Variants in SPIDR observed in about 807,000 individuals in gnomAD.
SPIDR encodes the protein DNA repair-scaffolding protein.
A neutral mutation model predicts 104.6 loss-of-function variants in SPIDR; 93 were observed. The observed-to-expected ratio is 0.89, with a 90% CI of 0.75 to 1.06. SPIDR has a LOEUF of 1.06. Among genes scored for constraint, SPIDR ranks in the 50% least tolerant of loss-of-function variants. SPIDR has a pLI of 0.00. For missense variants in SPIDR, 1,154 were observed against 1,111.2 expected (o/e 1.04, Z -0.55); for synonymous variants, 431 against 416.9 (o/e 1.03, Z -0.41).
chr8:47,735,364 C>T lies in SPIDR; in HGVS notation c.2662C>T (p.Gln888Ter). ...AGTGGGGTTGTTAAATTGTTTTGTC[C>T]AGTCCGTAACCGCCCACCCGACCAG... is the stretch of plus-strand genomic sequence containing the variant. ...KEVGLLNCFV[Q>*]SVTAHPTSCI... The change falls in exon 20 of 20, where the codon CAG becomes TAG. Residue 888 changes from glutamine (Q) to a stop codon, truncating the protein, a stop_gained. Coordinates refer to ENST00000297423, the MANE Select transcript of SPIDR (RefSeq NM_001080394.4). LOFTEE classifies it low-confidence loss of function (END_TRUNC). 3 of 1,614,136 alleles carry T rather than the reference C, an allele frequency of 1.9e-6. No homozygotes were observed. The highest frequency in any genetic ancestry group is 2.2e-5 in the East Asian group (1 of 44,882).
intron 8 of SPIDR, chr8:47,548,052 A>ATTT (rs926440198): frequency 4.6e-5 from 7 of 151,220 alleles, no homozygotes; most frequent in African/African-American, 1.7e-4. Flanking sequence ...AGTTTAATGT[A>ATTT]TTTTTTTTTA....
intron 7 of SPIDR, among the ~76,000 whole-genome samples, chr8:47,436,719 C>T (rs1266653851): frequency 6.6e-6 from 1 of 152,238 alleles, no homozygotes; most frequent in African/African-American, 2.4e-5. Flanking sequence ...GAGCAAGACC[C>T]TGTCTCTAAA....
chr8:47,657,813 TGA>T (rs2073132181), intron 10 of SPIDR, among the ~76,000 whole-genome samples: 1 of 151,982 alleles, frequency 6.6e-6, no homozygotes, highest in African/African-American at 2.4e-5. Context: ...GAAGATCCCT[TGA>T]GCCCATGAGT....
intron 8 of SPIDR, among the ~76,000 whole-genome samples, chr8:47,468,020 C>G (rs1261700438): frequency 6.6e-6 from 1 of 152,118 alleles, no homozygotes; most frequent in East Asian, 1.9e-4. Context: ...TCTCAGGATG[C>G]AAAATCAGTG....
chr8:47,580,887 C>T (rs1186938923), intron 8 of SPIDR, among the ~76,000 whole-genome samples: 1 of 152,166 alleles, frequency 6.6e-6, no homozygotes, highest in Non-Finnish European at 1.5e-5. Context: ...AAAAAAGAAA[C>T]AGCTGTTGTA....
chr8:47,276,380 T>G (rs1257342897), intron 1 of SPIDR, among the ~76,000 whole-genome samples: 1 of 152,224 alleles, frequency 6.6e-6, no homozygotes, highest in Non-Finnish European at 1.5e-5. Flanking sequence ...CTGAGTTTTG[T>G]ATGTACTTTT....
At chr8:47,401,314 C>T (rs1588203124) in intron 6 of SPIDR, among the ~76,000 whole-genome samples, 1 of 152,182 alleles carries the variant, frequency 6.6e-6, no homozygotes, top group African/African-American at 2.4e-5. Flanking sequence ...ACCTGCCTTA[C>T]AAGAGCTCCT....
rs529130455 is a variant in SPIDR at position 47,606,153 on chromosome 8, C to T, written c.1544+6957C>T. 3.6e-4 allele frequency among the ~76,000 whole-genome samples: 55 copies of T among 152,180 alleles called. 1 individual carries two copies. The South Asian group carries it at 0.011, about 31-fold the overall frequency. On this transcript the variant is annotated intron_variant, in intron 10 of 19. Coordinates refer to ENST00000297423, the MANE Select transcript of SPIDR (RefSeq NM_001080394.4). ...GAATAAACATATTGCAGAAAACTGC[C>T]CTAATGCTGGGGCCAGTGTTGAATG...
At chr8:47,461,271 A>G (rs1233874644) in intron 8 of SPIDR, among the ~76,000 whole-genome samples, 1 of 152,186 alleles carries the variant, frequency 6.6e-6, no homozygotes, top group African/African-American at 2.4e-5. Flanking sequence ...CTTCTTCCTC[A>G]GGAACACCAG....
intron 10 of SPIDR, among the ~76,000 whole-genome samples, chr8:47,670,513 A>G (rs1337376449): frequency 6.6e-6 from 1 of 151,794 alleles, no homozygotes; most frequent in Non-Finnish European, 1.5e-5. Flanking sequence ...CAACAACTTT[A>G]TTTTCTTGGC....
In SPIDR at chr8:47,399,009, G is replaced by A. The variant is rs113267367; in HGVS notation, c.776+2383G>A. 8.7e-4 allele frequency among the ~76,000 whole-genome samples: 132 copies of A among 152,350 alleles called. 1 individual carries two copies. Among genetic ancestry groups the A allele is most frequent in the African/African-American group, 3.0e-3 (125 of 41,582 alleles). ...GCAAAGCAGACTGCCATGGACTCGA[G>A]AGAATGGAAAGAGAGAAACTGAAGA... On this transcript the variant is annotated intron_variant, in intron 6 of 19. Coordinates refer to ENST00000297423, the MANE Select transcript of SPIDR (RefSeq NM_001080394.4).
intron 5 of SPIDR, among the ~76,000 whole-genome samples, chr8:47,373,324 A>C (rs2058264425): frequency 6.6e-6 from 1 of 152,146 alleles, no homozygotes; most frequent in Non-Finnish European, 1.5e-5. Context: ...TATATTAAAC[A>C]TTTCTGATCC....
intron 8 of SPIDR, among the ~76,000 whole-genome samples, chr8:47,501,943 T>C (rs1038109988): frequency 2.0e-5 from 3 of 152,264 alleles, no homozygotes; most frequent in East Asian, 1.9e-4. Flanking sequence ...TGCTGGATTA[T>C]GTTTATTGAT....
intron 7 of SPIDR, among the ~76,000 whole-genome samples, chr8:47,419,872 A>C (rs1480314191): frequency 6.6e-6 from 1 of 151,920 alleles, no homozygotes; most frequent in Non-Finnish European, 1.5e-5. Context: ...TCATTTCGTT[A>C]TGTACCCAGT....
Position 47,452,736 on chromosome 8 carries a change from C to A in SPIDR, c.1097+12194C>A, listed in dbSNP as rs187784581. On this transcript the variant is annotated intron_variant, in intron 8 of 19. Transcript: ENST00000297423. ...TCAAAATAATAAGAGCTATTTATGA[C>A]AGACCCACAGCCAATATCATACTGA... Among the ~76,000 whole-genome samples the A allele has an allele frequency of 1.0e-3, 154 of 152,208 alleles. 1 individual carries two copies. The East Asian group carries it at 0.028, about 28-fold the overall frequency.
In SPIDR at chr8:47,730,993, C is replaced by T. The variant is rs193198171; in HGVS notation, c.2604+1528C>T. On this transcript the variant is annotated intron_variant, in intron 19 of 19. Coordinates refer to ENST00000297423, the MANE Select transcript of SPIDR (RefSeq NM_001080394.4). ...CTGCTCTTGGCTGGGCATGGTGGCTCATGCCTGTAATCCCAGCACTTTGAG... is the reference window on the plus strand; with the variant it reads ...CTGCTCTTGGCTGGGCATGGTGGCTTATGCCTGTAATCCCAGCACTTTGAG... Among the ~76,000 whole-genome samples, 469 of 152,248 alleles carry T rather than the reference C, an allele frequency of 3.1e-3. 4 individuals carry two copies. The highest frequency in any genetic ancestry group is 9.9e-3 in the African/African-American group (412 of 41,532).
At chr8:47,658,982 G>C (rs191077431) in intron 10 of SPIDR, among the ~76,000 whole-genome samples, 1 of 150,242 alleles carries the variant, frequency 6.7e-6, no homozygotes, top group Non-Finnish European at 1.5e-5. Context: ...TCTCAGCGCC[G>C]CACAGTGGCT....
chr8:47,424,599 T>C (rs1416470236), intron 7 of SPIDR, among the ~76,000 whole-genome samples: 2 of 152,232 alleles, frequency 1.3e-5, no homozygotes, highest in South Asian at 2.1e-4. Context: ...ATTACAGGCG[T>C]TAGCCACCAT....
rs79305505 is a variant in SPIDR at position 47,506,369 on chromosome 8, A to G, written c.1097+65827A>G. On this transcript the variant is annotated intron_variant, in intron 8 of 19. Coordinates refer to ENST00000297423, the MANE Select transcript of SPIDR (RefSeq NM_001080394.4). ...ATAGAAATAATGAGGGTCTCACTCTACCTAGAGGGCAGTCCCAAAATCTCG... is the reference window on the plus strand; with the variant it reads ...ATAGAAATAATGAGGGTCTCACTCTGCCTAGAGGGCAGTCCCAAAATCTCG... Among the ~76,000 whole-genome samples the G allele has an allele frequency of 3.5e-3, 531 of 152,276 alleles. 7 individuals carry two copies. The highest frequency in any genetic ancestry group is 0.012 in the African/African-American group (501 of 41,564).
Sources: gnomAD v4.1 joint callset for allele counts (sites outside exome capture counted in the v4.1 genomes callset) on GRCh38, gnomAD v4.1.1 for gene constraint, MANE v1.5 for transcripts, NCBI Gene and HGNC (gene_info 2026-07-23, HGNC 2026-07-21) for gene names.